The following SLC1A7 variants were observed in gnomAD, a reference collection of about 807,000 sequenced individuals.
The protein encoded by SLC1A7 is solute carrier family 1 member 7.
A neutral mutation model predicts 47.7 loss-of-function variants in SLC1A7; 40 were observed. The ratio of observed to expected loss-of-function variants is 0.84; its 90% CI spans 0.65 to 1.09. The LOEUF (loss-of-function observed/expected upper bound fraction) is 1.09. Ranked by LOEUF, SLC1A7 falls within the 50% of genes least tolerant of loss-of-function variation. The pLI, the probability that SLC1A7 is intolerant of heterozygous loss-of-function variation, is 0.00. For synonymous variants in SLC1A7, 323 were observed against 325.6 expected (o/e 0.99, Z 0.09); for missense variants, 746 against 769.5 (o/e 0.97, Z 0.36).
In SLC1A7 at chr1:53,133,190, G is replaced by A. The variant is rs79707457; in HGVS notation, c.215+1160C>T. Among the ~76,000 whole-genome samples the A allele has an allele frequency of 2.8e-3, 422 of 152,246 alleles. 14 individuals are homozygous for A. The East Asian group carries it at 0.069, about 25-fold the overall frequency. ...GCCGTGTGGAAGAACTGGACGTGTC[G>A]TACAGATTCAGCAACACAGAGGACT... On this transcript the variant is annotated intron_variant, in intron 2 of 10. Transcript: ENST00000371494.
At chr1:53,101,111 A>G (rs1269857488) in intron 5 of SLC1A7, among the ~76,000 whole-genome samples, 4 of 149,922 alleles carry the variant, frequency 2.7e-5, no homozygotes, top group Non-Finnish European at 5.9e-5. Context: ...ACCTCGTTAC[A>G]CTCACACACA....
chr1:53,096,513 C>T (rs1358676060), intron 5 of SLC1A7, among the ~76,000 whole-genome samples: 1 of 150,834 alleles, frequency 6.6e-6, no homozygotes, highest in Middle Eastern at 3.5e-3. Context: ...GGTACACTCA[C>T]ACGCACATAA....
At chr1:53,105,398 C>T (rs1644628080) in intron 4 of SLC1A7, among the ~76,000 whole-genome samples, 1 of 152,174 alleles carries the variant, frequency 6.6e-6, no homozygotes, top group Admixed American at 6.5e-5. Context: ...TCAGTTTCCT[C>T]TTCAGGAAGT....
intron 1 of SLC1A7, among the ~76,000 whole-genome samples, chr1:53,141,303 T>C (rs1239367341): frequency 6.6e-6 from 1 of 152,028 alleles, no homozygotes; most frequent in African/African-American, 2.4e-5. Flanking sequence ...CCTGTAGTCA[T>C]TTTCTGTCCC....
intron 2 of SLC1A7, among the ~76,000 whole-genome samples, chr1:53,128,383 G>A (rs901706413): frequency 1.3e-5 from 2 of 152,176 alleles, no homozygotes; most frequent in Admixed American, 6.5e-5. Flanking sequence ...AGGCTAAGTC[G>A]GGAGGATCGA....
intron 9 of SLC1A7, 89 bp downstream of exon 9, chr1:53,089,711 G>T: frequency 7.1e-7 from 1 of 1,414,002 alleles, no homozygotes. Flanking sequence ...TCTACCCTGG[G>T]GAAGGGACTC....
At chr1:53,116,465 T>G (rs1644762452) in intron 2 of SLC1A7, among the ~76,000 whole-genome samples, 1 of 152,206 alleles carries the variant, frequency 6.6e-6, no homozygotes, top group Non-Finnish European at 1.5e-5. Context: ...AGTGAATGAA[T>G]GAATGAGTGT....
intron 3 of SLC1A7, among the ~76,000 whole-genome samples, chr1:53,113,680 C>T (rs930100482): frequency 3.9e-5 from 6 of 152,094 alleles, no homozygotes; most frequent in African/African-American, 1.4e-4. Flanking sequence ...CAGATTGAAC[C>T]TTCTGAATTG....
chr1:53,095,250 TG>T (rs1189335450), intron 5 of SLC1A7, among the ~76,000 whole-genome samples: 1 of 149,320 alleles, frequency 6.7e-6, no homozygotes, highest in African/African-American at 2.5e-5. Context: ...CGCATGCTGA[TG>T]GGGGAACACA....
intron 3 of SLC1A7, among the ~76,000 whole-genome samples, chr1:53,110,273 T>C (rs74085596): frequency 0.016 from 2,462 of 152,216 alleles, 67 homozygotes; most frequent in African/African-American, 0.054. Context: ...CAGTAACTTA[T>C]TATTATCAGA....
chr1:53,096,781 C>T (rs1644497441), intron 5 of SLC1A7, among the ~76,000 whole-genome samples: 1 of 150,762 alleles, frequency 6.6e-6, no homozygotes, highest in Admixed American at 6.6e-5. Context: ...ACAGATACTG[C>T]CTCAGAACAT....
intron 5 of SLC1A7, chr1:53,102,612 C>T (rs1488752329): frequency 4.6e-5 from 7 of 152,376 alleles, no homozygotes; most frequent in Non-Finnish European, 1.0e-4. Context: ...GGCCCCTTTC[C>T]AGGGGCAATG....
At chr1:53,132,722 T>C (rs1485677708) in intron 2 of SLC1A7, among the ~76,000 whole-genome samples, 1 of 125,378 alleles carries the variant, frequency 8.0e-6, no homozygotes, top group Non-Finnish European at 1.8e-5. Context: ...GGTGTGTGCC[T>C]GTGGTCCCAG....
intron 5 of SLC1A7, among the ~76,000 whole-genome samples, chr1:53,099,034 A>G (rs1003455427): frequency 2.8e-5 from 4 of 144,184 alleles, no homozygotes; most frequent in African/African-American, 1.1e-4. Context: ...AAACACTCAC[A>G]CCCTGCCTCT....
intron 5 of SLC1A7, among the ~76,000 whole-genome samples, chr1:53,101,489 C>T (rs1274065287): frequency 1.3e-5 from 2 of 151,780 alleles, no homozygotes; most frequent in Admixed American, 1.3e-4. Context: ...ACACACACCA[C>T]CTCGGTACAC....
At chr1:53,102,879 TGA>T (rs1422415836) in intron 5 of SLC1A7, 1 of 154,088 alleles carries the variant, frequency 6.5e-6, no homozygotes, top group African/African-American at 2.4e-5. Flanking sequence ...ACGAGGTTGG[TGA>T]GGTCTTTTCC....
At chr1:53,099,096 C>T (rs960777600) in intron 5 of SLC1A7, among the ~76,000 whole-genome samples, 3 of 151,432 alleles carry the variant, frequency 2.0e-5, no homozygotes, top group Non-Finnish European at 4.4e-5. Context: ...TCGGTACATG[C>T]ACACATACCG....
chr1:53,122,443 G>A lies in SLC1A7; in HGVS notation c.216-7470C>T, dbSNP rs558601998. On this transcript the variant is annotated intron_variant, in intron 2 of 10. Coordinates refer to ENST00000371494, the MANE Select transcript of SLC1A7 (RefSeq NM_006671.6). ...CAGGAAGGAGGCTTCGGGGGTCTGCGGGCAAGAGGGGTCCCTTCAGTCCAT... is the reference window on the plus strand; with the variant it reads ...CAGGAAGGAGGCTTCGGGGGTCTGCAGGCAAGAGGGGTCCCTTCAGTCCAT... Among the ~76,000 whole-genome samples, 15 of 152,298 alleles carry A rather than the reference G, an allele frequency of 9.8e-5. No individual in the cohort carries two copies. The South Asian group carries it at 2.5e-3, about 25-fold the overall frequency.
Position 53,088,970 on chromosome 1 carries a change from G to A in SLC1A7, c.1371C>T (p.Phe457=). ...CACCCAGCACGTTAATCATGGTGCG[G>A]AAACGGTCCCTGGTGAGCCAAGGTT... ...IIAVDWALDR[F]RTMINVLGDA... The change falls in exon 10 of 11, where the codon TTC becomes TTT. Residue 457 remains phenylalanine, a synonymous_variant. Transcript: ENST00000371494. 6.2e-7 allele frequency: 1 copy of A among 1,613,994 alleles called. No individual in the cohort carries two copies. Among genetic ancestry groups the A allele is most frequent in the Non-Finnish European group, 8.5e-7 (1 of 1,179,962 alleles).
Sources: gnomAD v4.1 joint callset for allele counts (sites outside exome capture counted in the v4.1 genomes callset) on GRCh38, gnomAD v4.1.1 for gene constraint, MANE v1.5 for transcripts, NCBI Gene and HGNC (gene_info 2026-07-23, HGNC 2026-07-21) for gene names.